NXN: variants seen among roughly 807,000 people sequenced by gnomAD.
NXN encodes the protein nucleoredoxin 1.
Under a neutral mutation model 48.6 loss-of-function variants are expected in NXN, and 16 were observed. That is an observed-to-expected ratio of 0.33 (90% confidence interval 0.22 to 0.50). The LOEUF is 0.50. NXN is among the 20% of genes least tolerant of loss of function. The probability of loss-of-function intolerance (pLI) is 0.98; values close to 1 mark genes in which losing one functional copy is unlikely to be tolerated. For synonymous variants in NXN, 281 were observed against 269.6 expected, an observed-to-expected ratio of 1.04 and a Z score of -0.41; for missense variants, 492 against 605.5, an observed-to-expected ratio of 0.81 and a Z score of 1.97.
chr17:960,033 G>A (rs186254111), intron 1 of NXN, among the ~76,000 whole-genome samples: 3 of 151,140 alleles, frequency 2.0e-5, no homozygotes, highest in Admixed American at 6.6e-5. Context: ...CAGAGGTTGC[G>A]GTCAGCCGAG....
chr17:971,181 G>A (rs989613150), intron 1 of NXN, among the ~76,000 whole-genome samples: 12 of 151,944 alleles, frequency 7.9e-5, no homozygotes, highest in Non-Finnish European at 1.3e-4. Context: ...CCCAACCTCA[G>A]GTGATCCGCC....
In NXN at chr17:964,074, C is replaced by T. The variant is rs539698479; in HGVS notation, c.360+15245G>A. 4.6e-5 allele frequency among the ~76,000 whole-genome samples: 7 copies of T among 152,292 alleles called. No homozygotes were observed. The South Asian group carries it at 1.4e-3, about 32-fold the overall frequency. ...CCTGGGCGACAGAGCAAGACTCCGT[C>T]TCAAAAACAAAAACAAAAAATGCTG... On this transcript the variant is annotated intron_variant, in intron 1 of 7. Coordinates refer to ENST00000336868, the MANE Select transcript of NXN (RefSeq NM_022463.5).
chr17:904,024 T>C (rs2068560373), intron 1 of NXN, among the ~76,000 whole-genome samples: 1 of 152,156 alleles, frequency 6.6e-6, no homozygotes. Context: ...GTTTTCTGAG[T>C]TTTGTGGGCT....
intron 1 of NXN, among the ~76,000 whole-genome samples, chr17:913,629 C>T (rs1318073970): frequency 2.1e-5 from 3 of 141,704 alleles, no homozygotes; most frequent in Non-Finnish European, 2.9e-5. Context: ...ATGCAGAGAC[C>T]GGGAACCGAT....
intron 1 of NXN, among the ~76,000 whole-genome samples, chr17:902,003 G>A (rs1450154375): frequency 2.0e-5 from 3 of 152,144 alleles, no homozygotes; most frequent in African/African-American, 7.2e-5. Context: ...CCCGGCCTCA[G>A]CTTGCTGTTT....
intron 1 of NXN, among the ~76,000 whole-genome samples, chr17:947,652 G>C (rs977633185): frequency 3.4e-5 from 5 of 146,374 alleles, no homozygotes; most frequent in Non-Finnish European, 7.5e-5. Context: ...GGAACTGCTT[G>C]AACGCAGGAG....
chr17:851,124 G>C (rs73289798), intron 1 of NXN, among the ~76,000 whole-genome samples: 1 of 152,228 alleles, frequency 6.6e-6, no homozygotes, highest in Non-Finnish European at 1.5e-5. Context: ...TCAACGTTTA[G>C]CAGAACCGAA....
intron 1 of NXN, among the ~76,000 whole-genome samples, chr17:934,521 GAA>G (rs72423449): frequency 0.092 from 13,952 of 151,766 alleles, 853 homozygotes; most frequent in East Asian, 0.23. Flanking sequence ...GTCATTTCTG[GAA>G]AAGACGCTGA....
At chr17:900,029 G>T (rs1309544795) in intron 1 of NXN, among the ~76,000 whole-genome samples, 1 of 152,220 alleles carries the variant, frequency 6.6e-6, no homozygotes, top group Non-Finnish European at 1.5e-5. Flanking sequence ...ACGTTGGGAG[G>T]CCGAGGCAGG....
Position 956,271 on chromosome 17 carries a change from C to T in NXN, c.360+23048G>A, listed in dbSNP as rs563430878. On this transcript the variant is annotated intron_variant, in intron 1 of 7. Coordinates refer to ENST00000336868, the MANE Select transcript of NXN (RefSeq NM_022463.5). This position sits in a 1 kb window ranked among gnomAD's most constrained non-coding sequence, Gnocchi z 4.1. ...CCAAGTATTTACTAATAAGAGGTGT[C>T]GAACGTGTTAAGTAAGAAGGACACA... Among the ~76,000 whole-genome samples, 14 of 152,186 alleles carry T rather than the reference C, an allele frequency of 9.2e-5. No individual in the cohort carries two copies. The highest frequency in any genetic ancestry group is 4.2e-4 in the South Asian group (2 of 4,818).
At chr17:928,704 T>C (rs552927462) in intron 1 of NXN, among the ~76,000 whole-genome samples, 5 of 152,102 alleles carry the variant, frequency 3.3e-5, no homozygotes, top group South Asian at 4.2e-4. Flanking sequence ...GGCGTGGTGG[T>C]GGGCACCTGT....
At chr17:811,066 G>A (rs1911966282) in intron 5 of NXN, among the ~76,000 whole-genome samples, 1 of 152,206 alleles carries the variant, frequency 6.6e-6, no homozygotes, top group Non-Finnish European at 1.5e-5. Context: ...TCAAGGAAGG[G>A]AACGGGATGA....
chr17:929,702 AC>A (rs1438622876), intron 1 of NXN: 1 of 152,124 alleles, frequency 6.6e-6, no homozygotes, highest in East Asian at 1.9e-4. Context: ...CTGATTCCAG[AC>A]TGACCCAACC....
At chr17:846,874 G>T (rs11654284) in intron 1 of NXN, among the ~76,000 whole-genome samples, 5,895 of 150,422 alleles carry the variant, frequency 0.039, 294 homozygotes, top group East Asian at 0.24. Flanking sequence ...TGGTGGGGGT[G>T]GAGGGGTACA....
intron 1 of NXN, among the ~76,000 whole-genome samples, chr17:897,535 C>A (rs578259329): frequency 6.6e-6 from 1 of 152,262 alleles, no homozygotes; most frequent in South Asian, 2.1e-4. Context: ...CGGCATGTTC[C>A]GCTATTATTG....
intron 5 of NXN, among the ~76,000 whole-genome samples, chr17:808,305 A>ATT (rs10644625): frequency 0.3 from 42,050 of 140,324 alleles, 6,358 homozygotes; most frequent in East Asian, 0.39. Context: ...TGAAATACAC[A>ATT]TTTTTTTTTT....
chr17:860,087 A>G (rs897233663), intron 1 of NXN, among the ~76,000 whole-genome samples: 2 of 152,040 alleles, frequency 1.3e-5, no homozygotes, highest in Non-Finnish European at 2.9e-5. Context: ...CTCTTTGTAT[A>G]TTATGTTATA....
chr17:933,025 T>G (rs8071160), intron 1 of NXN, among the ~76,000 whole-genome samples: 1 of 151,992 alleles, frequency 6.6e-6, no homozygotes, highest in Non-Finnish European at 1.5e-5. Context: ...CATCAAAGGC[T>G]GTGGCCCGAA....
chr17:904,291 G>A (rs1337942830), intron 1 of NXN, among the ~76,000 whole-genome samples: 2 of 148,646 alleles, frequency 1.3e-5, no homozygotes, highest in Non-Finnish European at 1.5e-5. Context: ...CTGCCCGGAC[G>A]TCGGACGCCG....
Sources: allele counts gnomAD v4.1 joint callset (sites outside exome capture counted in the v4.1 genomes callset), GRCh38; gene constraint gnomAD v4.1.1; non-coding constraint Gnocchi (gnomAD v3.1); transcripts MANE v1.5; gene names NCBI Gene and HGNC (gene_info 2026-07-23, HGNC 2026-07-21).